The following COLEC11 variants were observed in gnomAD, a reference collection of about 807,000 sequenced individuals.
COLEC11 encodes collectin-11.
A neutral mutation model predicts 27.3 loss-of-function variants in COLEC11; 20 were observed. The observed-to-expected ratio is 0.73, with a 90% CI of 0.51 to 1.06. COLEC11 has a LOEUF of 1.06. Ranked by LOEUF, COLEC11 falls within the 50% of genes least tolerant of loss-of-function variation. The probability of loss-of-function intolerance (pLI) is 0.00; values close to 1 mark genes in which losing one functional copy is unlikely to be tolerated. For missense variants in COLEC11, 310 were observed against 383.0 expected, an observed-to-expected ratio of 0.81 and a Z score of 1.59; for synonymous variants, 163 against 154.7, an observed-to-expected ratio of 1.05 and a Z score of -0.40.
rs773910508 is a variant in COLEC11, at chr2:3,613,392, G to A, written c.202+10G>A. ...CCCACGGGAGAAAAAGGTACCTGCAGCCCTGGGCCGGCCCTCAGAGCTCTG... is the reference window on the plus strand; with the variant it reads ...CCCACGGGAGAAAAAGGTACCTGCAACCCTGGGCCGGCCCTCAGAGCTCTG... On this transcript the variant is annotated intron_variant, in intron 3 of 6. Transcript: ENST00000349077. 2 of 1,581,120 alleles carry A rather than the reference G, an allele frequency of 1.3e-6. No individual in the cohort carries two copies. The highest frequency in any genetic ancestry group is 1.8e-5 in the Admixed American group (1 of 54,546).
chr2:3,608,544 C>T (rs971714909), intron 2 of COLEC11, among the ~76,000 whole-genome samples: 3 of 152,144 alleles, frequency 2.0e-5, no homozygotes, highest in Non-Finnish European at 4.4e-5. Flanking sequence ...CCAAATTGGC[C>T]AGGTGCAGTG....
chr2:3,613,385 A>G lies in COLEC11; in HGVS notation c.202+3A>G. 6.3e-7 allele frequency: 1 copy of G among 1,590,676 alleles called. No homozygotes were observed. Reference sequence around the variant, plus strand: ...AGTCGGCCCCACGGGAGAAAAAGGTACCTGCAGCCCTGGGCCGGCCCTCAG... The same window carrying G: ...AGTCGGCCCCACGGGAGAAAAAGGTGCCTGCAGCCCTGGGCCGGCCCTCAG... On this transcript the variant is annotated splice_donor_region_variant and intron_variant, in intron 3 of 6. Transcript: ENST00000349077.
chr2:3,610,026 G>A (rs1663065687), intron 2 of COLEC11, among the ~76,000 whole-genome samples: 1 of 152,246 alleles, frequency 6.6e-6, no homozygotes, highest in South Asian at 2.1e-4. Flanking sequence ...TTGGTCAGAA[G>A]CTATCATGAC....
intron 3 of COLEC11, among the ~76,000 whole-genome samples, chr2:3,615,962 C>T (rs1284764363): frequency 6.6e-5 from 10 of 151,206 alleles, no homozygotes; most frequent in Admixed American, 1.3e-4. Context: ...ACTTCCCAGA[C>T]GGGGCGGCTG....
At position 3,637,573 on chromosome 2, in the gene COLEC11, T is replaced by C. The variant is rs34347618; in HGVS notation, c.243T>C (p.Arg81=). 58,001 of 1,613,912 alleles carry C rather than the reference T, an allele frequency of 0.036. 1,531 individuals carry two copies. Among genetic ancestry groups the C allele is most frequent in the South Asian group, 0.12 (10,490 of 91,068 alleles). Residue 81 remains arginine, a synonymous_variant, in exon 4 of 7, where the codon CGT becomes CGC. Coordinates refer to ENST00000349077, the MANE Select transcript of COLEC11 (RefSeq NM_024027.5). ...AAGGACAGAAAGGCAGTGTGGGTCGTCATGGAAAAATTGGTCCCATTGGCT... is the reference window on the plus strand; with the variant it reads ...AAGGACAGAAAGGCAGTGTGGGTCGCCATGGAAAAATTGGTCCCATTGGCT... ...GDKGQKGSVG[R]HGKIGPIGSK...
At position 3,604,373 on chromosome 2, in the gene COLEC11, A is replaced by C. The variant is rs1283510528; in HGVS notation, c.33A>C (p.Leu11=). The C allele has an allele frequency of 6.2e-7, 1 of 1,614,172 alleles. No homozygotes were observed. The highest frequency in any genetic ancestry group is 8.5e-7 in the Non-Finnish European group (1 of 1,180,034). The change falls in exon 2 of 7, where the codon CTA becomes CTC. Residue 11 remains leucine (L), a synonymous_variant. Coordinates refer to ENST00000349077, the MANE Select transcript of COLEC11 (RefSeq NM_024027.5). The part of the protein sequence containing the change: MRGNLALVGV[L]ISLAFLSLLP... ...GGAATCTGGCCCTGGTGGGCGTTCT[A>C]ATCAGCCTGGCCTTCCTGTCACTGC... is the stretch of plus-strand genomic sequence containing the variant.
At chr2:3,630,131 C>G (rs1173886079) in intron 3 of COLEC11, among the ~76,000 whole-genome samples, 2 of 151,884 alleles carry the variant, frequency 1.3e-5, no homozygotes, top group South Asian at 2.1e-4. Context: ...ATGCACATCT[C>G]TATGTGTATA....
chr2:3,636,573 A>G (rs1558516408), intron 3 of COLEC11, among the ~76,000 whole-genome samples: 1 of 152,200 alleles, frequency 6.6e-6, no homozygotes, highest in Non-Finnish European at 1.5e-5. Flanking sequence ...TGAAGTCCTA[A>G]TAGTGTGTAA....
chr2:3,643,884 G>A lies in COLEC11; in HGVS notation c.582G>A (p.Ala194=), dbSNP rs374212450. Residue 194 remains alanine, a synonymous_variant, in exon 7 of 7, where the codon GCG becomes GCA. Coordinates refer to ENST00000349077, the MANE Select transcript of COLEC11 (RefSeq NM_024027.5). ...ATGGCCTGATGGCCGCATACCTGGC[G>A]CAAGCCGGCCTGGCCCGTGTCTTCA... ...AANGLMAAYL[A]QAGLARVFIG... The A allele has an allele frequency of 4.3e-6, 7 of 1,613,698 alleles. No individual in the cohort carries two copies. Among genetic ancestry groups the A allele is most frequent in the African/African-American group, 4.0e-5 (3 of 74,930 alleles).
chr2:3,616,168 G>A (rs1445473445), intron 3 of COLEC11, among the ~76,000 whole-genome samples: 18 of 150,136 alleles, frequency 1.2e-4, no homozygotes, highest in Admixed American at 4.0e-4. Context: ...ACAGGGCGGC[G>A]GGGCAGAGGC....
At chr2:3,616,642 C>T (rs1040797078) in intron 3 of COLEC11, among the ~76,000 whole-genome samples, 3 of 152,222 alleles carry the variant, frequency 2.0e-5, no homozygotes, top group Admixed American at 6.5e-5. Flanking sequence ...GCCTGCAATC[C>T]CAGGCACTCT....
intron 2 of COLEC11, chr2:3,605,222 G>C: frequency 4.8e-6 from 2 of 414,426 alleles, no homozygotes; most frequent in South Asian, 1.8e-5. Context: ...GTGTGTGCCA[G>C]TGTCGGGTGG....
At chr2:3,615,509 A>G (rs1663603351) in intron 3 of COLEC11, among the ~76,000 whole-genome samples, 1 of 152,252 alleles carries the variant, frequency 6.6e-6, no homozygotes, top group Non-Finnish European at 1.5e-5. Flanking sequence ...CTTAGTACAG[A>G]ACAAAATGGA....
chr2:3,615,136 T>G (rs1663560774), intron 3 of COLEC11, among the ~76,000 whole-genome samples: 1 of 151,554 alleles, frequency 6.6e-6, no homozygotes, highest in Non-Finnish European at 1.5e-5. Flanking sequence ...TTTTATTTAT[T>G]TATTTATTTA....
chr2:3,643,570 C>T (rs747872932), intron 6 of COLEC11, 31 bp downstream of exon 6: 7 of 1,603,662 alleles, frequency 4.4e-6, no homozygotes, highest in Non-Finnish European at 6.0e-6. Context: ...CCCTCGCTCC[C>T]TCCCACCTCC....
At chr2:3,628,185 C>T (rs886104147) in intron 3 of COLEC11, among the ~76,000 whole-genome samples, 2 of 152,248 alleles carry the variant, frequency 1.3e-5, no homozygotes, top group Non-Finnish European at 2.9e-5. Context: ...CCTCTGCAAT[C>T]TGTGGGTGAT....
chr2:3,640,891 G>A (rs1276341228), intron 5 of COLEC11, among the ~76,000 whole-genome samples: 12 of 30,054 alleles, frequency 4.0e-4, no homozygotes, highest in South Asian at 2.4e-3. Context: ...CACATCCCAC[G>A]GCGGACACCC....
At chr2:3,632,387 C>T (rs758087428) in intron 3 of COLEC11, among the ~76,000 whole-genome samples, 28 of 152,190 alleles carry the variant, frequency 1.8e-4, no homozygotes, top group African/African-American at 5.8e-4. Context: ...GATTTCCTCC[C>T]GGCTGTGGAG....
At chr2:3,625,625 C>CTTTTTTTTGTTTTTTTTT (rs1664495029) in intron 3 of COLEC11, among the ~76,000 whole-genome samples, 1 of 91,460 alleles carries the variant, frequency 1.1e-5, no homozygotes, top group African/African-American at 4.8e-5. Context: ...TTCTTTTTTA[C>CTTTTTTTTGTTTTTTTTT]TTTTTTTTTT....
Sources: allele counts gnomAD v4.1 joint callset (sites outside exome capture counted in the v4.1 genomes callset), GRCh38; gene constraint gnomAD v4.1.1; transcripts MANE v1.5; gene names NCBI Gene and HGNC (gene_info 2026-07-23, HGNC 2026-07-21).